Variants in GSE1 observed in about 807,000 individuals in gnomAD.
The protein encoded by GSE1 is genetic suppressor element 1.
Under a neutral mutation model 112.6 loss-of-function variants are expected in GSE1, and 32 were observed. The ratio of observed to expected loss-of-function variants is 0.28; its 90% CI spans 0.21 to 0.38. The LOEUF (loss-of-function observed/expected upper bound fraction) is 0.38. Among genes scored for constraint, GSE1 ranks in the 10% least tolerant of loss-of-function variants. The pLI is 1.00. For missense variants in GSE1, 2,348 were observed against 1,699.2 expected (o/e 1.38, Z -6.71); for synonymous variants, 1,115 against 735.6 (o/e 1.52, Z -8.35).
chr16:85,203,813 C>G (rs1209067526), intron 1 of GSE1, among the ~76,000 whole-genome samples: 1 of 152,218 alleles, frequency 6.6e-6, no homozygotes, highest in Admixed American at 6.5e-5. Context: ...TCTCAGCTCA[C>G]TGTAGCCTCA....
chr16:85,445,446 G>C (rs571272506), intron 2 of GSE1, among the ~76,000 whole-genome samples: 1 of 152,232 alleles, frequency 6.6e-6, no homozygotes, highest in East Asian at 1.9e-4. Flanking sequence ...GCGAGGGGGG[G>C]CGGCCAGTCC....
intron 1 of GSE1, among the ~76,000 whole-genome samples, chr16:85,217,061 G>A (rs903766460): frequency 3.3e-5 from 5 of 152,218 alleles, no homozygotes; most frequent in African/African-American, 9.6e-5. Flanking sequence ...CCTTGGCTGC[G>A]CCAGGTAATC....
intron 7 of GSE1, among the ~76,000 whole-genome samples, 168 bp downstream of exon 7, chr16:85,656,833 A>G (rs999140882): frequency 3.3e-5 from 5 of 152,254 alleles, no homozygotes; most frequent in African/African-American, 9.6e-5. Context: ...GCACGTTGGC[A>G]CACGATGTAG....
chr16:85,393,237 C>T (rs2047886324), intron 2 of GSE1, among the ~76,000 whole-genome samples: 1 of 152,234 alleles, frequency 6.6e-6, no homozygotes, highest in Non-Finnish European at 1.5e-5. Context: ...CCACTTCACT[C>T]CAGCCTGGGC....
rs2052082040 is a variant in GSE1 at position 85,657,660 on chromosome 16, G to T, written c.1640+56G>T. Reference sequence around the variant, plus strand: ...GAGCCTTCACGTTCCGATTTGTTCAGCGTGTATTGAGCACCTCCTGTTTGC... The same window carrying T: ...GAGCCTTCACGTTCCGATTTGTTCATCGTGTATTGAGCACCTCCTGTTTGC... On this transcript the variant is annotated intron_variant, in intron 8 of 15. Transcript: ENST00000253458. 26 of 1,248,524 alleles carry T rather than the reference G, an allele frequency of 2.1e-5. No homozygotes were observed. The South Asian group carries it at 3.4e-4, about 16-fold the overall frequency. The allele number at this position is 1,248,524 out of a possible 1,614,324, so 77.3% of individuals were successfully genotyped here. A position where few individuals can be genotyped will look rare whatever the true frequency, so the allele number is the denominator to read the frequency against.
At chr16:85,613,318 A>G, upstream of GSE1, 1 of 1,549,982 alleles carries the variant, frequency 6.5e-7, no homozygotes, top group Non-Finnish European at 8.7e-7. Flanking sequence ...CGGGTGAGAT[A>G]AGCAGTTTAG....
At chr16:85,255,584 G>A (rs1357825348) in intron 1 of GSE1, among the ~76,000 whole-genome samples, 3 of 151,816 alleles carry the variant, frequency 2.0e-5, no homozygotes, top group African/African-American at 7.3e-5. Flanking sequence ...GCTAATTTTT[G>A]TAGTTTTAGA....
At chr16:85,250,645 G>GT (rs970435641) in intron 1 of GSE1, among the ~76,000 whole-genome samples, 6 of 152,104 alleles carry the variant, frequency 3.9e-5, no homozygotes, top group East Asian at 3.9e-4. Context: ...TTTAAGTGCA[G>GT]TTTTTTTTAT....
At chr16:85,651,179 CTG>C (rs767847014) in intron 3 of GSE1, among the ~76,000 whole-genome samples, 12 of 151,108 alleles carry the variant, frequency 7.9e-5, no homozygotes, top group East Asian at 2.0e-4. Context: ...ATGCGTCTGT[CTG>C]TGGAGACGGC....
chr16:85,483,349 G>C (rs1039472104), intron 2 of GSE1, among the ~76,000 whole-genome samples: 5 of 152,250 alleles, frequency 3.3e-5, no homozygotes, highest in Admixed American at 1.3e-4. Flanking sequence ...GGAGTACGTG[G>C]AGTTGAGTCC....
At chr16:85,553,049 C>CTT (rs11431375), upstream of GSE1, among the ~76,000 whole-genome samples, 13 of 150,004 alleles carry the variant, frequency 8.7e-5, no homozygotes, top group South Asian at 2.1e-4. Context: ...AAATAGTTTT[C>CTT]TTTTTTTTTT....
At chr16:85,627,177 G>A (rs1338066821) in intron 1 of GSE1, among the ~76,000 whole-genome samples, 1 of 121,400 alleles carries the variant, frequency 8.2e-6, no homozygotes, top group Non-Finnish European at 1.7e-5. Context: ...GCGGGGGGTG[G>A]GGGCCTCACC....
chr16:85,207,721 C>T (rs568497725), intron 1 of GSE1: 5 of 152,366 alleles, frequency 3.3e-5, no homozygotes, highest in African/African-American at 9.6e-5. Flanking sequence ...TCTGCTTTCT[C>T]GCCTGTAGAA....
intron 1 of GSE1, among the ~76,000 whole-genome samples, chr16:85,241,189 CTGCGAGACCTTGGGCTCGTT>C (rs1189693907): frequency 1.1e-4 from 14 of 130,234 alleles, no homozygotes; most frequent in Admixed American, 3.7e-4. Context: ...TTGGGCTCGG[CTGCGAGACCTTGGGCTCGTT>C]GCTTCTCCTC....
intron 1 of GSE1, among the ~76,000 whole-genome samples, chr16:85,622,524 CCACAGGGTTTA>C (rs2048806183): frequency 1.3e-5 from 2 of 152,300 alleles, no homozygotes; most frequent in Admixed American, 1.3e-4. Context: ...ACACACGCTC[CCACAGGGTTTA>C]CAGATAGGCT....
intron 1 of GSE1, among the ~76,000 whole-genome samples, chr16:85,604,359 A>T (rs1598347772): frequency 6.6e-6 from 1 of 152,326 alleles, no homozygotes; most frequent in South Asian, 2.1e-4. Context: ...ATGGCTGAGT[A>T]ATAGTCCACT....
intron 2 of GSE1, among the ~76,000 whole-genome samples, chr16:85,367,939 T>C (rs902034653): frequency 4.1e-5 from 6 of 146,766 alleles, no homozygotes; most frequent in Admixed American, 3.5e-4. Flanking sequence ...AACCTCTGCC[T>C]CCTGGGTTCA....
chr16:85,339,500 A>C (rs2046578356), intron 1 of GSE1, among the ~76,000 whole-genome samples: 1 of 151,814 alleles, frequency 6.6e-6, no homozygotes, highest in Admixed American at 6.6e-5. Context: ...ACTGGGACTC[A>C]CTTCAGTCAA....
At position 85,654,395 on chromosome 16, in the gene GSE1, C is replaced by T. The variant is rs373051722; in HGVS notation, c.544C>T (p.Pro182Ser). Residue 182 changes from proline to serine, a missense_variant, in exon 4 of 16, where the codon CCC (proline) becomes TCC (serine). By Grantham distance (74) the Pro-to-Ser change is moderately conservative. Coordinates refer to ENST00000253458, the MANE Select transcript of GSE1 (RefSeq NM_014615.5). ...IPSHLLSTPY[P>S]FGLSPSSVVQ... is the part of the protein sequence containing the mutation. ...CTCGCACCTGCTCAGCACCCCCTAC[C>T]CCTTCGGCCTCTCCCCCAGCTCAGT... 59 of 1,604,610 alleles carry T rather than the reference C, an allele frequency of 3.7e-5. No individual in the cohort carries two copies. Among genetic ancestry groups the T allele is most frequent in the African/African-American group, 5.4e-5 (4 of 74,626 alleles).
Sources: allele counts gnomAD v4.1 joint callset (sites outside exome capture counted in the v4.1 genomes callset), GRCh38; gene constraint gnomAD v4.1.1; transcripts MANE v1.5; gene names NCBI Gene and HGNC (gene_info 2026-07-23, HGNC 2026-07-21).